FAM193A: variants seen among roughly 807,000 people sequenced by gnomAD.
FAM193A encodes family with sequence similarity 193 member A, also known as protein FAM193A.
In FAM193A, 22 loss-of-function variants were observed where a neutral mutation model predicts 126.5. The observed-to-expected ratio is 0.17, with a 90% CI of 0.12 to 0.25. FAM193A has a LOEUF of 0.25. FAM193A is among the 10% of genes least tolerant of loss of function. The pLI is 1.00. For synonymous variants in FAM193A, 761 were observed against 646.8 expected, an observed-to-expected ratio of 1.18 and a Z score of -2.68; for missense variants, 1,675 against 1,672.8, an observed-to-expected ratio of 1.00 and a Z score of -0.02.
In FAM193A at chr4:2,696,552, A is replaced by C; in HGVS notation, c.3466A>C (p.Ser1156Arg). Residue 1156 changes from serine to arginine, a missense_variant, in exon 18 of 21, where the codon AGC (serine) becomes CGC (arginine). Physicochemically the swap from Ser to Arg is moderately radical, Grantham distance 110. Coordinates refer to ENST00000637812, the MANE Select transcript of FAM193A (RefSeq NM_001366318.2). Reference protein sequence around the residue: ...INSSETKPVSSTRAAKRARHK... With the variant: ...INSSETKPVSRTRAAKRARHK... ...TAGCTCCGAAACCAAACCAGTGAGC[A>C]GCACGCGTGCAGCGAAGCGAGCAAG... 1.2e-6 allele frequency: 2 copies of C among 1,614,248 alleles called. No homozygotes were observed. The highest frequency in any genetic ancestry group is 1.7e-6 in the Non-Finnish European group (2 of 1,180,030).
At chr4:2,632,415 A>G (rs1743684319) in intron 5 of FAM193A, among the ~76,000 whole-genome samples, 1 of 152,090 alleles carries the variant, frequency 6.6e-6, no homozygotes, top group Non-Finnish European at 1.5e-5. Flanking sequence ...AAAAAATTTA[A>G]AATTAAATTA....
chr4:2,725,729 A>G (rs1235395737), intron 20 of FAM193A, among the ~76,000 whole-genome samples: 1 of 147,194 alleles, frequency 6.8e-6, no homozygotes, highest in Admixed American at 6.7e-5. Flanking sequence ...TTTTTTTTTT[A>G]AGGCAATAGT....
At chr4:2,592,601 C>A (rs1046206668) in intron 1 of FAM193A, among the ~76,000 whole-genome samples, 2 of 152,180 alleles carry the variant, frequency 1.3e-5, no homozygotes, top group African/African-American at 4.8e-5. Context: ...TCCAGCCTTG[C>A]CCAGGCTTCC....
chr4:2,672,288 T>C lies in FAM193A; in HGVS notation c.2247T>C (p.His749=), dbSNP rs761438497. 3 of 1,614,098 alleles carry C rather than the reference T, an allele frequency of 1.9e-6. No homozygotes were observed. In the East Asian group the frequency reaches 6.7e-5, roughly 36 times the overall value. The change falls in exon 13 of 21, where the codon CAT becomes CAC. Residue 749 remains histidine (H), a synonymous_variant. Coordinates refer to ENST00000637812, the MANE Select transcript of FAM193A (RefSeq NM_001366318.2). The part of the protein sequence containing the change: ...ALHLYPHIHG[H]VPLHTVPHLP... Reference sequence around the variant, plus strand: ...ACCTTTACCCTCACATCCATGGACATGTGCCTTTGCACACTGTTCCACACC... The same window carrying C: ...ACCTTTACCCTCACATCCATGGACACGTGCCTTTGCACACTGTTCCACACC...
chr4:2,538,164 G>A (rs1451819924), intron 1 of FAM193A, among the ~76,000 whole-genome samples: 1 of 151,578 alleles, frequency 6.6e-6, no homozygotes, highest in Non-Finnish European at 1.5e-5. Context: ...AGCGTTGGGA[G>A]TATTTTTGTG....
Position 2,700,414 on chromosome 4 carries a change from C to T in FAM193A, c.4242C>T (p.Thr1414=). ...TCAAGGACGAAAAGTCAAACCCAAC[C>T]CCTATGGAGCCCACCTCTCCCGGTG... ...NHIKDEKSNP[T]PMEPTSPGEH... The change falls in exon 19 of 21, where the codon ACC becomes ACT. Residue 1414 remains threonine (T), a synonymous_variant. Coordinates refer to ENST00000637812, the MANE Select transcript of FAM193A (RefSeq NM_001366318.2). 6.2e-7 allele frequency: 1 copy of T among 1,614,162 alleles called. No homozygotes were observed. The highest frequency in any genetic ancestry group is 1.1e-5 in the South Asian group (1 of 91,084).
chr4:2,678,009 G>A (rs1258658568), intron 13 of FAM193A, among the ~76,000 whole-genome samples: 1 of 151,926 alleles, frequency 6.6e-6, no homozygotes, highest in Non-Finnish European at 1.5e-5. Context: ...TTGTTTGTTT[G>A]TTTGTTTGAG....
intron 1 of FAM193A, among the ~76,000 whole-genome samples, chr4:2,539,668 A>G (rs981692119): frequency 7.2e-5 from 11 of 152,058 alleles, no homozygotes; most frequent in Middle Eastern, 6.8e-3. Flanking sequence ...CTGCCTCCCA[A>G]AGTGCTGGGA....
chr4:2,708,478 T>C (rs1429106447), intron 19 of FAM193A, among the ~76,000 whole-genome samples: 1 of 152,074 alleles, frequency 6.6e-6, no homozygotes, highest in Non-Finnish European at 1.5e-5. Context: ...TATCTATTTT[T>C]TGAGATGGAG....
intron 19 of FAM193A, among the ~76,000 whole-genome samples, chr4:2,707,070 C>A (rs1437762952): frequency 1.3e-5 from 2 of 151,928 alleles, no homozygotes; most frequent in Non-Finnish European, 2.9e-5. Context: ...TGCAGTGAGC[C>A]AAGGTTGCTC....
intron 1 of FAM193A, among the ~76,000 whole-genome samples, chr4:2,554,070 T>C (rs935883474): frequency 3.3e-5 from 5 of 152,186 alleles, no homozygotes; most frequent in Admixed American, 1.3e-4. Flanking sequence ...TGTTTAATTC[T>C]GTTATCTCTC....
chr4:2,550,742 TTTTTTG>T (rs1021127910), intron 1 of FAM193A, among the ~76,000 whole-genome samples: 1 of 151,668 alleles, frequency 6.6e-6, no homozygotes, highest in Non-Finnish European at 1.5e-5. Context: ...GTTGGTTGTT[TTTTTTG>T]TTTTTGTTTT....
chr4:2,691,539 C>T (rs1211481433), intron 15 of FAM193A, among the ~76,000 whole-genome samples: 2 of 152,152 alleles, frequency 1.3e-5, no homozygotes, highest in Non-Finnish European at 2.9e-5. Context: ...GCCTAGGGTA[C>T]AGCCCCTGGC....
chr4:2,674,912 G>A (rs920136381), intron 13 of FAM193A, among the ~76,000 whole-genome samples: 1 of 151,994 alleles, frequency 6.6e-6, no homozygotes, highest in Non-Finnish European at 1.5e-5. Context: ...CCATACCAGT[G>A]ACATACCGAA....
rs1041179666 is a variant in FAM193A at position 2,649,848 on chromosome 4, C to A, written c.1311+3016C>A. Among the ~76,000 whole-genome samples, 5 of 152,108 alleles carry A rather than the reference C, an allele frequency of 3.3e-5. No individual in the cohort carries two copies. In the East Asian group the frequency reaches 9.6e-4, roughly 29 times the overall value. On this transcript the variant is annotated intron_variant, in intron 7 of 20. Coordinates refer to ENST00000637812, the MANE Select transcript of FAM193A (RefSeq NM_001366318.2). Reference sequence around the variant, plus strand: ...GGCTGCACAGCAGGAGGTGAGTGGCCGGTGAGCCAGTGAAGCCTGTCAGTG... The same window carrying A: ...GGCTGCACAGCAGGAGGTGAGTGGCAGGTGAGCCAGTGAAGCCTGTCAGTG...
chr4:2,683,057 G>A (rs1401263019), intron 13 of FAM193A, among the ~76,000 whole-genome samples: 2 of 152,160 alleles, frequency 1.3e-5, no homozygotes, highest in African/African-American at 4.8e-5. Context: ...GTTTGTCTGA[G>A]GAAGTCTTTA....
intron 2 of FAM193A, among the ~76,000 whole-genome samples, chr4:2,607,064 T>C (rs1234930571): frequency 6.6e-6 from 1 of 152,232 alleles, no homozygotes; most frequent in Non-Finnish European, 1.5e-5. Context: ...GGGCCATTCA[T>C]CTCACAATGC....
At chr4:2,691,119 C>T in intron 15 of FAM193A, 149 bp downstream of exon 15, 1 of 677,206 alleles carries the variant, frequency 1.5e-6, no homozygotes, top group Non-Finnish European at 2.5e-6. Flanking sequence ...TGCTCACACA[C>T]AGAGAGCTGA....
chr4:2,559,400 G>A (rs1416390697), intron 1 of FAM193A, among the ~76,000 whole-genome samples: 1 of 152,154 alleles, frequency 6.6e-6, no homozygotes, highest in East Asian at 1.9e-4. Flanking sequence ...AGTACCAACT[G>A]AGATAAAGAA....
Sources: allele counts gnomAD v4.1 joint callset (sites outside exome capture counted in the v4.1 genomes callset), GRCh38; gene constraint gnomAD v4.1.1; transcripts MANE v1.5; gene names NCBI Gene and HGNC (gene_info 2026-07-23, HGNC 2026-07-21).